PCDHA2: variants seen among roughly 807,000 people sequenced by gnomAD.
The protein encoded by PCDHA2 is protocadherin alpha-2.
In PCDHA2, 58 loss-of-function variants were observed where a neutral mutation model predicts 66.0. The ratio of observed to expected loss-of-function variants is 0.88; its 90% confidence interval spans 0.71 to 1.09. The LOEUF is 1.09. Among genes scored for constraint, PCDHA2 ranks in the 50% least tolerant of loss-of-function variants. PCDHA2 has a pLI of 0.00. For missense variants in PCDHA2, 1,267 were observed against 1,242.3 expected (o/e 1.02, Z -0.30); for synonymous variants, 634 against 554.0 (o/e 1.14, Z -2.03).
chr5:140,824,610 G>GTTGTTTTTTTTTTT (rs1768193318), intron 1 of PCDHA2: 1 of 95,104 alleles, frequency 1.1e-5, no homozygotes, highest in African/African-American at 4.9e-5. Flanking sequence ...GCTAATTAAA[G>GTTGTTTTTTTTTTT]TTTTTTTTTT....
chr5:140,927,077 G>C (rs568623488), intron 1 of PCDHA2: 29 of 1,610,728 alleles, frequency 1.8e-5, no homozygotes, highest in Non-Finnish European at 2.5e-5. Flanking sequence ...TCCAGCCACC[G>C]CGAGCTCTAC....
At chr5:140,972,415 A>G (rs1048437043) in intron 1 of PCDHA2, among the ~76,000 whole-genome samples, 2 of 152,138 alleles carry the variant, frequency 1.3e-5, no homozygotes, top group East Asian at 3.9e-4. Flanking sequence ...AACCCTGTTA[A>G]GATCTTTTAT....
At chr5:140,904,399 T>C (rs1583526237) in intron 1 of PCDHA2, among the ~76,000 whole-genome samples, 1 of 151,316 alleles carries the variant, frequency 6.6e-6, no homozygotes, top group East Asian at 1.9e-4. Flanking sequence ...TTCCATGGTG[T>C]ATTATATATA....
At chr5:140,797,530 A>T (rs1354834041) in intron 1 of PCDHA2, 178 bp downstream of exon 1, 1 of 778,214 alleles carries the variant, frequency 1.3e-6, no homozygotes, top group Non-Finnish European at 2.1e-6. Context: ...TTATTTAAAC[A>T]ATCTACATAA....
intron 1 of PCDHA2, chr5:140,825,487 A>G (rs1255011143): frequency 6.6e-6 from 1 of 150,540 alleles, no homozygotes; most frequent in African/African-American, 2.4e-5. Flanking sequence ...TTGTTGCCCA[A>G]ACGAGTGCAA....
chr5:140,916,022 A>G (rs982398362), intron 1 of PCDHA2, among the ~76,000 whole-genome samples: 1 of 151,978 alleles, frequency 6.6e-6, no homozygotes, highest in Non-Finnish European at 1.5e-5. Context: ...AGTCTTTCCC[A>G]TTCTTCCCTC....
chr5:140,835,763 T>C (rs2150244307), intron 1 of PCDHA2: 12 of 1,613,224 alleles, frequency 7.4e-6, no homozygotes, highest in South Asian at 5.5e-5. Flanking sequence ...AGCCCGAGTA[T>C]ACGGTGTTCG....
At chr5:140,861,307 G>T in intron 1 of PCDHA2, 2 of 192,584 alleles carry the variant, frequency 1.0e-5, no homozygotes, top group South Asian at 9.6e-5. Flanking sequence ...AAGCGGGAAA[G>T]GACCAGTTCC....
intron 1 of PCDHA2, chr5:140,867,929 GTTT>G (rs1459004552): frequency 6.6e-6 from 1 of 151,990 alleles, no homozygotes; most frequent in Non-Finnish European, 1.5e-5. Context: ...CACTTCCCTT[GTTT>G]TCCATGAACT....
chr5:140,892,424 C>T (rs1288815822), intron 1 of PCDHA2, among the ~76,000 whole-genome samples: 1 of 152,040 alleles, frequency 6.6e-6, no homozygotes, highest in Non-Finnish European at 1.5e-5. Context: ...CTAGATAAAA[C>T]CTCATTATCT....
intron 1 of PCDHA2, among the ~76,000 whole-genome samples, chr5:140,974,630 A>G (rs1252889789): frequency 6.7e-6 from 1 of 149,794 alleles, no homozygotes; most frequent in Non-Finnish European, 1.5e-5. Context: ...TCCTGCCTCA[A>G]CCTCCCGAGT....
At position 140,821,840 on chromosome 5, in the gene PCDHA2, A is replaced by G. The variant is rs140580277; in HGVS notation, c.2388+24488A>G. On this transcript the variant is annotated intron_variant, in intron 1 of 3. Transcript: ENST00000526136. ...CTGCTGCTCTGGCTTCTCCTTGCCT[A>G]CTGGAAGGCAGGGAGCGGCCAGCTC... The G allele has an allele frequency of 1.8e-3, 2,868 of 1,614,150 alleles. 95 individuals carry two copies. The Admixed American group carries it at 0.045, about 25-fold the overall frequency.
rs149972776 is a variant in PCDHA2, at chr5:140,883,738, C to G, written c.2388+86386C>G. On this transcript the variant is annotated intron_variant, in intron 1 of 3. Transcript: ENST00000526136. The stretch of plus-strand genomic sequence containing the variant: ...CGGACGCACAGGAGAACGCGCTGGT[C>G]TCCTACTCGCTGGTGGAGCGGCGGG... 852 of 1,613,378 alleles carry G rather than the reference C, an allele frequency of 5.3e-4. 5 individuals carry two copies. In the African/African-American group the frequency reaches 9.2e-3, roughly 17 times the overall value.
intron 1 of PCDHA2, chr5:140,808,497 C>G: frequency 6.2e-7 from 1 of 1,614,154 alleles, no homozygotes; most frequent in African/African-American, 1.3e-5. Flanking sequence ...TCGCTGTGGG[C>G]CACGGCCAGT....
At chr5:140,924,480 T>C (rs2081865040) in intron 1 of PCDHA2, among the ~76,000 whole-genome samples, 1 of 152,178 alleles carries the variant, frequency 6.6e-6, no homozygotes, top group Non-Finnish European at 1.5e-5. Flanking sequence ...TGGTTTTTAG[T>C]GGAACACTGG....
chr5:140,815,054 T>G (rs1310495974), intron 1 of PCDHA2: 1 of 152,192 alleles, frequency 6.6e-6, no homozygotes, highest in African/African-American at 2.4e-5. Flanking sequence ...TTAATATCCT[T>G]TAACTTTCAG....
chr5:140,870,976 C>T (rs2052595345), intron 1 of PCDHA2: 1 of 1,613,480 alleles, frequency 6.2e-7, no homozygotes, highest in Non-Finnish European at 8.5e-7. Context: ...CCGCGTGGGG[C>T]TGTACACGGG....
rs782007386 is a variant in PCDHA2 at position 140,856,148 on chromosome 5, G to A, written c.2388+58796G>A. 6.9e-6 allele frequency: 11 copies of A among 1,598,220 alleles called. No homozygotes were observed. In the East Asian group the frequency reaches 2.0e-4, roughly 29 times the overall value. ...GGGGAGCGGCCAGCTCCACTACTCA[G>A]TCTACGAGGAGGCCAGACACGGCAC... On this transcript the variant is annotated intron_variant, in intron 1 of 3. Transcript: ENST00000526136.
intron 1 of PCDHA2, among the ~76,000 whole-genome samples, chr5:140,916,951 G>A (rs1197063390): frequency 6.6e-6 from 1 of 152,210 alleles, no homozygotes; most frequent in Non-Finnish European, 1.5e-5. Context: ...GAGGCTTGCT[G>A]AGTTCTGACT....
Sources: gnomAD v4.1 joint callset for allele counts (sites outside exome capture counted in the v4.1 genomes callset) on GRCh38, gnomAD v4.1.1 for gene constraint, MANE v1.5 for transcripts, NCBI Gene and HGNC (gene_info 2026-07-23, HGNC 2026-07-21) for gene names.